NEGR1: variants seen among roughly 807,000 people sequenced by gnomAD.
NEGR1 encodes the protein neuronal growth regulator 1.
NEGR1 carries 10 observed loss-of-function variants against 40.9 expected under a neutral mutation model. That is an observed-to-expected ratio of 0.24 (90% CI 0.15 to 0.42). The LOEUF (loss-of-function observed/expected upper bound fraction) is 0.42. NEGR1 is among the 10% of genes least tolerant of loss of function. NEGR1 has a pLI of 1.00. For synonymous variants in NEGR1, 185 were observed against 166.8 expected (o/e 1.11, Z -0.84); for missense variants, 352 against 438.9 (o/e 0.80, Z 1.77).
intron 1 of NEGR1, among the ~76,000 whole-genome samples, chr1:72,258,329 G>C (rs11209939): frequency 6.6e-6 from 1 of 151,988 alleles, no homozygotes; most frequent in Non-Finnish European, 1.5e-5. Context: ...AATATCAATA[G>C]CCCTGAAATT....
chr1:71,688,327 TAG>T lies in NEGR1; in HGVS notation c.667+9679_667+9680del, dbSNP rs1335969924. Reference sequence around the variant, plus strand: ...CCCTTTTCATATATATATATATATATAGATAGATAGATAGATAGATAGATAGA... The same window carrying T: ...CCCTTTTCATATATATATATATATATATAGATAGATAGATAGATAGATAGA... On this transcript the variant is annotated intron_variant, in intron 4 of 6. Coordinates refer to ENST00000357731, the MANE Select transcript of NEGR1 (RefSeq NM_173808.3). 6.2e-3 allele frequency among the ~76,000 whole-genome samples: 607 copies of T among 97,602 alleles called. 42 individuals carry two copies. Among genetic ancestry groups the T allele is most frequent in the East Asian group, 0.018 (62 of 3,354 alleles). The allele number at this position is 97,602 out of a possible 152,430, so 64.0% of individuals were successfully genotyped here.
At chr1:72,210,581 T>C (rs1388695330) in intron 1 of NEGR1, among the ~76,000 whole-genome samples, 1 of 151,912 alleles carries the variant, frequency 6.6e-6, no homozygotes, top group African/African-American at 2.4e-5. Flanking sequence ...ATGACAATTT[T>C]TGTTGCAAAG....
intron 1 of NEGR1, among the ~76,000 whole-genome samples, chr1:72,026,110 C>CAAAAAAAAAAAAAAAA (rs1172589239): frequency 1.9e-4 from 6 of 31,140 alleles, no homozygotes; most frequent in Non-Finnish European, 2.6e-4. Context: ...GACTCCGTCT[C>CAAAAAAAAAAAAAAAA]AAAAAAAAAA....
chr1:71,457,622 T>C (rs1446840533), intron 6 of NEGR1, among the ~76,000 whole-genome samples: 2 of 152,234 alleles, frequency 1.3e-5, no homozygotes. Flanking sequence ...TGTAAATACT[T>C]GGACCTGACT....
At chr1:72,077,580 AAGAGTTTGAGACCAG>A (rs1394757218) in intron 1 of NEGR1, among the ~76,000 whole-genome samples, 2 of 151,852 alleles carry the variant, frequency 1.3e-5, no homozygotes, top group East Asian at 3.9e-4. Flanking sequence ...GCTTGTGCCC[AAGAGTTTGAGACCAG>A]GCTGGGCAAC....
intron 1 of NEGR1, among the ~76,000 whole-genome samples, chr1:71,954,879 C>T (rs1646106423): frequency 6.6e-6 from 1 of 152,026 alleles, no homozygotes; most frequent in African/African-American, 2.4e-5. Flanking sequence ...TCATCATTGC[C>T]ATCATTTATT....
intron 6 of NEGR1, among the ~76,000 whole-genome samples, chr1:71,420,013 A>G (rs954114181): frequency 2.6e-5 from 4 of 152,020 alleles, no homozygotes; most frequent in Non-Finnish European, 5.9e-5. Context: ...TTTTAAAACC[A>G]TTACATCAAA....
At chr1:72,128,500 G>A (rs758544836) in intron 1 of NEGR1, among the ~76,000 whole-genome samples, 12 of 152,050 alleles carry the variant, frequency 7.9e-5, no homozygotes, top group Non-Finnish European at 1.8e-4. Flanking sequence ...ATATTCACAA[G>A]TTATGTGAAA....
chr1:71,537,157 C>T (rs894430697), intron 6 of NEGR1, among the ~76,000 whole-genome samples: 7 of 151,666 alleles, frequency 4.6e-5, no homozygotes, highest in Non-Finnish European at 1.0e-4. Flanking sequence ...TTCATTTCCT[C>T]CCCTCAACAA....
intron 2 of NEGR1, among the ~76,000 whole-genome samples, chr1:71,805,647 T>C (rs1008719136): frequency 1.3e-5 from 2 of 152,228 alleles, no homozygotes; most frequent in African/African-American, 4.8e-5. Context: ...AGATATTTCA[T>C]TGCAAGCTCA....
intron 6 of NEGR1, among the ~76,000 whole-genome samples, chr1:71,528,610 A>C (rs1321534208): frequency 2.6e-5 from 4 of 151,370 alleles, no homozygotes; most frequent in African/African-American, 9.7e-5. Context: ...TATTCAATTT[A>C]AAGTGGAATT....
rs1646444590 is a variant in NEGR1 at position 71,428,594 on chromosome 1, C to T, written c.941-21024G>A. Among the ~76,000 whole-genome samples, 3 of 150,908 alleles carry T rather than the reference C, an allele frequency of 2.0e-5. No individual in the cohort carries two copies. In the South Asian group the frequency reaches 6.3e-4, roughly 32 times the overall value. ...AATAGTTGATTCTTATATTCTTAGA[C>T]CTATCATGTTTAAGTATGTTTTAAA... On this transcript the variant is annotated intron_variant, in intron 6 of 6. Transcript: ENST00000357731.
intron 4 of NEGR1, among the ~76,000 whole-genome samples, chr1:71,651,610 C>T (rs557711066): frequency 6.6e-6 from 1 of 152,210 alleles, no homozygotes; most frequent in Admixed American, 6.5e-5. Context: ...TCATTTCTCT[C>T]TGAATCCTAT....
chr1:71,626,976 C>T (rs1199068772), intron 4 of NEGR1, among the ~76,000 whole-genome samples: 1 of 152,104 alleles, frequency 6.6e-6, no homozygotes, highest in Non-Finnish European at 1.5e-5. Context: ...GAATGGCGAT[C>T]ATTCAAAAGT....
intron 4 of NEGR1, among the ~76,000 whole-genome samples, chr1:71,674,977 A>G (rs1396988649): frequency 6.6e-6 from 1 of 151,422 alleles, no homozygotes; most frequent in Admixed American, 6.6e-5. Context: ...AACACTTGTA[A>G]CATTCCAACA....
chr1:72,261,599 G>A (rs1238808191), intron 1 of NEGR1, among the ~76,000 whole-genome samples: 2 of 151,948 alleles, frequency 1.3e-5, no homozygotes, highest in Non-Finnish European at 2.9e-5. Flanking sequence ...AGCACAAATT[G>A]TGGTGTCCGG....
chr1:71,792,887 T>G (rs955922785), intron 2 of NEGR1, among the ~76,000 whole-genome samples: 1 of 152,202 alleles, frequency 6.6e-6, no homozygotes, highest in South Asian at 2.1e-4. Flanking sequence ...TATTTCTTTC[T>G]AGGTGTTGCA....
intron 3 of NEGR1, among the ~76,000 whole-genome samples, chr1:71,743,166 C>T (rs1167246025): frequency 6.6e-6 from 1 of 152,164 alleles, no homozygotes; most frequent in Non-Finnish European, 1.5e-5. Flanking sequence ...TTCAAACCAC[C>T]CAGTCTATGG....
chr1:72,239,646 A>T (rs566516194), intron 1 of NEGR1, among the ~76,000 whole-genome samples: 4 of 151,764 alleles, frequency 2.6e-5, no homozygotes, highest in Admixed American at 1.3e-4. Context: ...GATAAAAAAT[A>T]TATTACAGGA....
Sources: allele counts gnomAD v4.1 joint callset (sites outside exome capture counted in the v4.1 genomes callset), GRCh38; gene constraint gnomAD v4.1.1; transcripts MANE v1.5; gene names NCBI Gene and HGNC (gene_info 2026-07-23, HGNC 2026-07-21).